GRM7: variants seen among roughly 807,000 people sequenced by gnomAD.
GRM7 encodes the protein metabotropic glutamate receptor 7.
A neutral mutation model predicts 84.5 loss-of-function variants in GRM7; 35 were observed. That is an observed-to-expected ratio of 0.41 (90% CI 0.32 to 0.55). The LOEUF is 0.55. Ranked by LOEUF, GRM7 falls within the 20% of genes least tolerant of loss-of-function variation. The pLI, the probability that GRM7 is intolerant of heterozygous loss-of-function variation, is 0.19. For synonymous variants in GRM7, 487 were observed against 455.1 expected, an observed-to-expected ratio of 1.07 and a Z score of -0.89; for missense variants, 1,003 against 1,194.6, an observed-to-expected ratio of 0.84 and a Z score of 2.36.
intron 8 of GRM7, among the ~76,000 whole-genome samples, chr3:7,603,092 G>T: frequency 6.6e-6 from 1 of 151,928 alleles, no homozygotes; most frequent in Non-Finnish European, 1.5e-5. Context: ...AATAAATTCT[G>T]CCCAGTTAGT....
intron 9 of GRM7, among the ~76,000 whole-genome samples, chr3:7,692,528 T>C (rs1437677205): frequency 6.6e-6 from 1 of 152,178 alleles, no homozygotes; most frequent in Non-Finnish European, 1.5e-5. Flanking sequence ...GGGGCCAGAC[T>C]CATTCATCTC....
At chr3:7,297,636 T>C (rs1699856728) in intron 2 of GRM7, among the ~76,000 whole-genome samples, 1 of 150,754 alleles carries the variant, frequency 6.6e-6, no homozygotes, top group African/African-American at 2.5e-5. Flanking sequence ...ATTTTATATT[T>C]GTCTATGTTT....
At chr3:7,218,121 AC>A (rs1424730859) in intron 2 of GRM7, among the ~76,000 whole-genome samples, 11 of 152,248 alleles carry the variant, frequency 7.2e-5, no homozygotes, top group Admixed American at 2.0e-4. Flanking sequence ...TTATGGTTAA[AC>A]CAAAAATCCC....
intron 1 of GRM7, among the ~76,000 whole-genome samples, chr3:7,012,233 T>A (rs2124896526): frequency 6.6e-6 from 1 of 152,304 alleles, no homozygotes; most frequent in African/African-American, 2.4e-5. Flanking sequence ...CCTAGTTCAC[T>A]CAAGGCAGCA....
intron 7 of GRM7, among the ~76,000 whole-genome samples, chr3:7,514,434 C>T (rs559965515): frequency 5.9e-5 from 9 of 152,262 alleles, no homozygotes; most frequent in South Asian, 2.1e-4. Context: ...CAGAGTATTC[C>T]GACACAAGCT....
chr3:7,354,015 T>C (rs188320793), intron 4 of GRM7, among the ~76,000 whole-genome samples: 4 of 152,262 alleles, frequency 2.6e-5, no homozygotes, highest in African/African-American at 4.8e-5. Flanking sequence ...AAAAGTCTAA[T>C]TGAAATCATA....
chr3:7,569,827 A>G (rs1052909010), intron 7 of GRM7, among the ~76,000 whole-genome samples: 6 of 152,260 alleles, frequency 3.9e-5, no homozygotes, highest in Non-Finnish European at 8.8e-5. Flanking sequence ...AAACCCCACC[A>G]GAAGGAAGAA....
chr3:7,415,848 T>G (rs1436803032), intron 5 of GRM7, among the ~76,000 whole-genome samples: 1 of 152,126 alleles, frequency 6.6e-6, no homozygotes, highest in African/African-American at 2.4e-5. Flanking sequence ...AATTTGACTT[T>G]ATTCCAGTGA....
intron 7 of GRM7, among the ~76,000 whole-genome samples, chr3:7,564,807 G>A (rs780747724): frequency 6.6e-6 from 1 of 152,110 alleles, no homozygotes; most frequent in African/African-American, 2.4e-5. Flanking sequence ...ACTTACTAGA[G>A]GCGATGAAGC....
chr3:7,550,890 ACT>A (rs1357582552), intron 7 of GRM7, among the ~76,000 whole-genome samples: 2 of 151,616 alleles, frequency 1.3e-5, no homozygotes, highest in Non-Finnish European at 2.9e-5. Context: ...TCTAAGCCCC[ACT>A]CTCCTACTCA....
chr3:7,010,499 A>C (rs1283566560), intron 1 of GRM7, among the ~76,000 whole-genome samples: 4 of 152,196 alleles, frequency 2.6e-5, no homozygotes, highest in African/African-American at 9.6e-5. Flanking sequence ...AAACTGATCT[A>C]ATAGGATTCT....
chr3:7,613,229 T>C (rs1207927070), intron 8 of GRM7, among the ~76,000 whole-genome samples: 2 of 152,208 alleles, frequency 1.3e-5, no homozygotes, highest in Non-Finnish European at 2.9e-5. Flanking sequence ...ATAGTAAACA[T>C]ATAAATAGTG....
intron 2 of GRM7, among the ~76,000 whole-genome samples, chr3:7,270,678 C>T (rs1052698192): frequency 3.3e-5 from 5 of 151,298 alleles, no homozygotes; most frequent in African/African-American, 1.2e-4. Flanking sequence ...AACGCAGTTA[C>T]GGATGCTCGC....
At chr3:7,244,421 G>A (rs1697678215) in intron 2 of GRM7, among the ~76,000 whole-genome samples, 1 of 151,990 alleles carries the variant, frequency 6.6e-6, no homozygotes, top group Non-Finnish European at 1.5e-5. Context: ...TGTAATGTGT[G>A]AGACAAGATT....
chr3:7,073,807 G>T (rs1394847284), intron 1 of GRM7, among the ~76,000 whole-genome samples: 1 of 151,988 alleles, frequency 6.6e-6, no homozygotes, highest in Non-Finnish European at 1.5e-5. Flanking sequence ...AAGAACTGGA[G>T]AAATAGATAA....
At chr3:7,495,239 A>T (rs1228728745) in intron 7 of GRM7, among the ~76,000 whole-genome samples, 1 of 152,052 alleles carries the variant, frequency 6.6e-6, no homozygotes, top group East Asian at 1.9e-4. Flanking sequence ...TGATGGTGCT[A>T]CCCAAGAGAG....
intron 9 of GRM7, among the ~76,000 whole-genome samples, chr3:7,703,708 A>C (rs1025778594): frequency 2.0e-5 from 3 of 152,178 alleles, no homozygotes; most frequent in African/African-American, 7.2e-5. Context: ...TTACAAAGAT[A>C]ATTCATTCAT....
chr3:7,408,074 T>G (rs1695758800), intron 4 of GRM7, among the ~76,000 whole-genome samples: 1 of 152,202 alleles, frequency 6.6e-6, no homozygotes, highest in South Asian at 2.1e-4. Flanking sequence ...TTCGACCGGT[T>G]AGCTCATTTG....
In GRM7 at chr3:6,864,195, C is replaced by T. The variant is rs17046187; in HGVS notation, c.519+2288C>T. Among the ~76,000 whole-genome samples, 927 of 152,188 alleles carry T rather than the reference C, an allele frequency of 6.1e-3. 11 individuals are homozygous for T. Among genetic ancestry groups the T allele is most frequent in the African/African-American group, 0.018 (740 of 41,530 alleles). Reference sequence around the variant, plus strand: ...TTGAATAGCTGAGGGAAAAAGAGCCCCTAGTTTTCACCTGCGTTTATGGAG... The same window carrying T: ...TTGAATAGCTGAGGGAAAAAGAGCCTCTAGTTTTCACCTGCGTTTATGGAG... On this transcript the variant is annotated intron_variant, in intron 1 of 9. Coordinates refer to ENST00000357716, the MANE Select transcript of GRM7 (RefSeq NM_000844.4).
Sources: allele counts gnomAD v4.1 joint callset (sites outside exome capture counted in the v4.1 genomes callset), GRCh38; gene constraint gnomAD v4.1.1; transcripts MANE v1.5; gene names NCBI Gene and HGNC (gene_info 2026-07-23, HGNC 2026-07-21).